Variants in C1orf226 observed in about 807,000 individuals in gnomAD.
C1orf226 encodes the protein chromosome 1 open reading frame 226, also known as uncharacterized protein C1orf226.
C1orf226 carries 4 observed loss-of-function variants against 10.5 expected under a neutral mutation model. The observed-to-expected ratio is 0.38, with a 90% confidence interval of 0.19 to 0.87. The LOEUF (loss-of-function observed/expected upper bound fraction) is 0.87, where lower values mean the gene tolerates loss of function less well. Ranked by LOEUF, C1orf226 falls within the 40% of genes least tolerant of loss-of-function variation. The probability of loss-of-function intolerance (pLI) is 0.41; values close to 1 mark genes in which losing one functional copy is unlikely to be tolerated. For synonymous variants in C1orf226, 125 were observed against 139.3 expected, an observed-to-expected ratio of 0.90 and a Z score of 0.72; for missense variants, 313 against 336.2, an observed-to-expected ratio of 0.93 and a Z score of 0.54.
upstream of C1orf226, among the ~76,000 whole-genome samples, chr1:162,381,471 T>C (rs1647903954): frequency 6.6e-6 from 1 of 152,128 alleles, no homozygotes; most frequent in Admixed American, 6.6e-5. Context: ...ATCCATGCCA[T>C]CCCTCCACCA....
chr1:162,383,513 G>T lies in C1orf226; in HGVS notation c.649G>T (p.Glu217Ter). ...SQDESKLKMT[E>*]CRRASSPSLI... ...GGACGAATCCAAGCTAAAGATGACT[G>T]AGTGCAGAAGGGCCTCCTCCCCCAG... The change falls in exon 2 of 2, where the codon GAG becomes TAG. Residue 217 changes from glutamate (E) to a stop codon, truncating the protein, a stop_gained. Transcript: ENST00000458626. LOFTEE classifies it high-confidence loss of function. 1 of 1,604,952 alleles carries T rather than the reference G, an allele frequency of 6.2e-7. No individual in the cohort carries two copies. The highest frequency in any genetic ancestry group is 8.5e-7 in the Non-Finnish European group (1 of 1,175,280).
chr1:162,379,892 G>A (rs1489058757), upstream of C1orf226, among the ~76,000 whole-genome samples: 6 of 152,312 alleles, frequency 3.9e-5, no homozygotes, highest in East Asian at 7.7e-4. Context: ...GAGACCACCA[G>A]GGAAATGTCT....
chr1:162,380,749 A>G (rs1647878538), upstream of C1orf226, among the ~76,000 whole-genome samples: 1 of 152,202 alleles, frequency 6.6e-6, no homozygotes. Flanking sequence ...TGTGGACAGC[A>G]TGGCTTAGAG....
At position 162,385,191 on chromosome 1, in the gene C1orf226, T is replaced by C. The variant is rs1283334924; in HGVS notation, c.*1508T>C. 1.3e-5 allele frequency: 2 copies of C among 152,616 alleles called. No homozygotes were observed. Among genetic ancestry groups the C allele is most frequent in the Admixed American group, 1.3e-4 (2 of 15,282 alleles). 9.5% of individuals were successfully genotyped at this position (152,616 alleles called of 1,614,324 possible). ...CTGGGATTCCTGTGGCCTCCCCTGTTCTATTCATTGTTTGGCTTCCCACCC... is the reference window on the plus strand; with the variant it reads ...CTGGGATTCCTGTGGCCTCCCCTGTCCTATTCATTGTTTGGCTTCCCACCC... On this transcript the variant is annotated 3_prime_UTR_variant, in exon 2 of 2. Coordinates refer to ENST00000458626, the MANE Select transcript of C1orf226 (RefSeq NM_001085375.2).
chr1:162,379,437 G>A (rs1430211131), upstream of C1orf226, among the ~76,000 whole-genome samples: 1 of 152,162 alleles, frequency 6.6e-6, no homozygotes, highest in Non-Finnish European at 1.5e-5. Flanking sequence ...TACAATGTCA[G>A]TCCATCATGC....
chr1:162,380,527 A>G (rs1202594145), upstream of C1orf226, among the ~76,000 whole-genome samples: 1 of 152,258 alleles, frequency 6.6e-6, no homozygotes, highest in Non-Finnish European at 1.5e-5. Context: ...GAAGAGGCTC[A>G]GTGAAAATAG....
rs368799518 is a variant in C1orf226 at position 162,383,694 on chromosome 1, C to T, written c.*11C>T. The T allele has an allele frequency of 1.9e-6, 3 of 1,580,270 alleles. No homozygotes were observed. The highest frequency in any genetic ancestry group is 1.3e-5 in the African/African-American group (1 of 74,498). On this transcript the variant is annotated 3_prime_UTR_variant, in exon 2 of 2. Transcript: ENST00000458626. ...CTGTCCTTTGAATAGAGCCTCTGCT[C>T]TTTCCTGCTGAGCTCTGCCCTTGTC...
At position 162,381,838 on chromosome 1, in the gene C1orf226, A is replaced by G. The variant is rs1640674552; in HGVS notation, c.-64A>G. The G allele has an allele frequency of 6.3e-7, 1 of 1,591,502 alleles. No individual in the cohort carries two copies. The highest frequency in any genetic ancestry group is 8.5e-7 in the Non-Finnish European group (1 of 1,173,010). On this transcript the variant is annotated 5_prime_UTR_variant, in exon 1 of 2. Transcript: ENST00000458626. ...AAGGAAAAACTGAATGATAGAGCAC[A>G]GGTACCGCTCCCCTTTCCTCATCAT... is the stretch of plus-strand genomic sequence containing the variant.
At position 162,383,615 on chromosome 1, in the gene C1orf226, C is replaced by CAA; in HGVS notation, c.751_752insAA (p.Pro251GlnfsTer31). On this transcript the variant is annotated frameshift_variant, in exon 2 of 2. Transcript: ENST00000458626. LOFTEE classifies it high-confidence loss of function. ...TGAGTCCTGGGAGGATGGCAGCCCC[C>CAA]CTCCTCAGGCACGGACCTCCAGCCT... 1 of 1,608,654 alleles carries CAA rather than the reference C, an allele frequency of 6.2e-7. No homozygotes were observed. The highest frequency in any genetic ancestry group is 8.5e-7 in the Non-Finnish European group (1 of 1,177,622).
In C1orf226 at chr1:162,386,209, G is replaced by A. The variant is rs908720142; in HGVS notation, c.*2526G>A. ...GGGTCTAGGGGCTGCCCAAAGCCCAGCAGGAACAGCTACTACTCATCCTGC... is the reference window on the plus strand; with the variant it reads ...GGGTCTAGGGGCTGCCCAAAGCCCAACAGGAACAGCTACTACTCATCCTGC... On this transcript the variant is annotated 3_prime_UTR_variant, in exon 2 of 2. Coordinates refer to ENST00000458626, the MANE Select transcript of C1orf226 (RefSeq NM_001085375.2). The A allele has an allele frequency of 6.6e-6, 1 of 152,456 alleles. No individual in the cohort carries two copies. Among genetic ancestry groups the A allele is most frequent in the South Asian group, 2.1e-4 (1 of 4,824 alleles). 9.4% of individuals were successfully genotyped at this position (152,456 alleles called of 1,614,324 possible).
rs557502837 is a variant in C1orf226 at position 162,386,392 on chromosome 1, G to C, written c.*2709G>C. 6.6e-6 allele frequency: 1 copy of C among 152,412 alleles called. No individual in the cohort carries two copies. Among genetic ancestry groups the C allele is most frequent in the African/African-American group, 2.4e-5 (1 of 41,576 alleles). The allele number at this position is 152,412 out of a possible 1,614,324, so 9.4% of individuals were successfully genotyped here. On this transcript the variant is annotated 3_prime_UTR_variant, in exon 2 of 2. Coordinates refer to ENST00000458626, the MANE Select transcript of C1orf226 (RefSeq NM_001085375.2). ...TCTCTGGGAGCTTGGCCTTCAGTTA[G>C]CCCAGTCCATGAGAGGGCAGGGTAA...
chr1:162,382,003 C>G lies in C1orf226; in HGVS notation c.102C>G (p.Gly34=). ...KPVAPGSAPL[G]SGEPGGPGLW... is the part of the protein sequence containing the mutation. ...TGGCCCCCGGCTCTGCCCCTCTGGG[C>G]TCTGGTGAGCCTGGGGGGCCAGGAC... is the stretch of plus-strand genomic sequence containing the variant. Residue 34 remains glycine, a synonymous_variant, in exon 1 of 2, where the codon GGC becomes GGG. Transcript: ENST00000458626. 6.2e-7 allele frequency: 1 copy of G among 1,612,676 alleles called. No individual in the cohort carries two copies. The highest frequency in any genetic ancestry group is 8.5e-7 in the Non-Finnish European group (1 of 1,179,720).
chr1:162,383,157 G>C, intron 1 of C1orf226, 25 bp from the exon 2 acceptor site: 1 of 1,533,656 alleles, frequency 6.5e-7, no homozygotes. Flanking sequence ...TAAGGCATGT[G>C]TGTTTATTGT....
chr1:162,379,086 C>A, upstream of C1orf226: 1 of 1,204,396 alleles, frequency 8.3e-7, no homozygotes, highest in Non-Finnish European at 1.2e-6. Context: ...CCCTCCTCTG[C>A]TTGGGTGTGT....
chr1:162,380,625 G>C (rs1232102395), upstream of C1orf226, among the ~76,000 whole-genome samples: 3 of 152,196 alleles, frequency 2.0e-5, no homozygotes, highest in Non-Finnish European at 4.4e-5. Flanking sequence ...ACATATCTGG[G>C]GTAGTTGGTG....
upstream of C1orf226, among the ~76,000 whole-genome samples, chr1:162,380,565 A>C (rs1328548613): frequency 6.6e-6 from 1 of 152,250 alleles, no homozygotes; most frequent in African/African-American, 2.4e-5. Flanking sequence ...TCACAAGGAA[A>C]GGAGCCTAGT....
At position 162,383,458 on chromosome 1, in the gene C1orf226, A is replaced by T; in HGVS notation, c.594A>T (p.Ser198=). The stretch of plus-strand genomic sequence containing the variant: ...TGCCCAATGGAGAGGTTTCCCTGTC[A>T]GTACCTGACCTAATCCACAAGGATA... ...KVLPNGEVSL[S]VPDLIHKDSQ... Residue 198 remains serine (S), a synonymous_variant, in exon 2 of 2, where the codon TCA becomes TCT. Transcript: ENST00000458626. 6.3e-7 allele frequency: 1 copy of T among 1,592,098 alleles called. No homozygotes were observed.
Position 162,381,986 on chromosome 1 carries a change from G to T in C1orf226, c.85G>T (p.Gly29Cys), listed in dbSNP as rs200174827. 1.2e-6 allele frequency: 2 copies of T among 1,612,818 alleles called. No homozygotes were observed. The highest frequency in any genetic ancestry group is 1.7e-6 in the Non-Finnish European group (2 of 1,179,842). Residue 29 changes from glycine (G) to cysteine (C), a missense_variant, in exon 1 of 2, where the codon GGC (glycine) becomes TGC (cysteine). Coordinates refer to ENST00000458626, the MANE Select transcript of C1orf226 (RefSeq NM_001085375.2). ...CCACTTGTCCAAGCCCGTGGCCCCC[G>T]GCTCTGCCCCTCTGGGCTCTGGTGA... ...FPHLSKPVAP[G>C]SAPLGSGEPG...
chr1:162,381,081 C>T (rs937628919), upstream of C1orf226, among the ~76,000 whole-genome samples: 4 of 152,192 alleles, frequency 2.6e-5, no homozygotes, highest in Admixed American at 6.5e-5. Context: ...TGGACAGAGC[C>T]CTGAGCTGTG....
Sources: allele counts gnomAD v4.1 joint callset (sites outside exome capture counted in the v4.1 genomes callset), GRCh38; gene constraint gnomAD v4.1.1; transcripts MANE v1.5; gene names NCBI Gene and HGNC (gene_info 2026-07-23, HGNC 2026-07-21).